PDE10A: variants seen among roughly 807,000 people sequenced by gnomAD.
PDE10A encodes cAMP and cAMP-inhibited cGMP 3',5'-cyclic phosphodiesterase 10A.
Under a neutral mutation model 97.7 loss-of-function variants are expected in PDE10A, and 39 were observed. That is an observed-to-expected ratio of 0.40 (90% confidence interval 0.31 to 0.52). The LOEUF (loss-of-function observed/expected upper bound fraction) is 0.52. Ranked by LOEUF, PDE10A falls within the 20% of genes least tolerant of loss-of-function variation. The pLI, the probability that PDE10A is intolerant of heterozygous loss-of-function variation, is 0.56. For missense variants in PDE10A, 731 were observed against 1,047.8 expected (o/e 0.70, Z 4.17); for synonymous variants, 371 against 376.8 (o/e 0.98, Z 0.18).
intron 1 of PDE10A, among the ~76,000 whole-genome samples, chr6:165,958,325 G>A (rs187382812): frequency 4.3e-3 from 655 of 152,000 alleles, no homozygotes; most frequent in Admixed American, 6.8e-3. Flanking sequence ...GCCAAAACCA[G>A]CAGTTACAAA....
intron 1 of PDE10A, among the ~76,000 whole-genome samples, chr6:165,705,785 G>C (rs1414548149): frequency 6.6e-6 from 1 of 152,174 alleles, no homozygotes; most frequent in South Asian, 2.1e-4. Context: ...ACCATCATCT[G>C]TGTGCTATTA....
At chr6:165,829,318 T>G (rs554202674) in intron 1 of PDE10A, among the ~76,000 whole-genome samples, 18 of 152,314 alleles carry the variant, frequency 1.2e-4, no homozygotes, top group South Asian at 4.1e-4. Flanking sequence ...CTGGTAACCA[T>G]TAAGGGGCTC....
chr6:165,874,132 CA>C (rs978063759), intron 1 of PDE10A, among the ~76,000 whole-genome samples: 9 of 152,180 alleles, frequency 5.9e-5, no homozygotes, highest in Admixed American at 5.9e-4. Flanking sequence ...GCTCAGGAGA[CA>C]GGGGAGGAGA....
chr6:165,656,759 T>TCACACCTGGAAA, intron 1 of PDE10A, among the ~76,000 whole-genome samples: 1 of 152,314 alleles, frequency 6.6e-6, no homozygotes, highest in South Asian at 2.1e-4. Flanking sequence ...CTTCACACCT[T>TCACACCTGGAAA]GTGAAACCTT....
intron 2 of PDE10A, among the ~76,000 whole-genome samples, chr6:165,516,217 T>A (rs1461182305): frequency 6.6e-6 from 1 of 152,134 alleles, no homozygotes; most frequent in Non-Finnish European, 1.5e-5. Flanking sequence ...ATCTACAATT[T>A]TTCCCTCTCT....
intron 2 of PDE10A, among the ~76,000 whole-genome samples, chr6:165,499,653 T>G (rs2128293769): frequency 6.6e-6 from 1 of 152,294 alleles, no homozygotes; most frequent in Middle Eastern, 3.4e-3. Flanking sequence ...TGACAAAACT[T>G]TATACTTTTA....
intron 1 of PDE10A, among the ~76,000 whole-genome samples, chr6:165,648,153 T>C (rs1405867205): frequency 3.3e-5 from 5 of 152,034 alleles, no homozygotes; most frequent in African/African-American, 7.2e-5. Flanking sequence ...GCTGGGACTA[T>C]AGGCGCCCAC....
intron 1 of PDE10A, among the ~76,000 whole-genome samples, chr6:165,638,871 A>T (rs1788999120): frequency 6.6e-6 from 1 of 152,188 alleles, no homozygotes. Context: ...CACAATTACC[A>T]CTCAAACATT....
At chr6:165,433,898 T>G (rs1261609397) in intron 6 of PDE10A, among the ~76,000 whole-genome samples, 1 of 150,916 alleles carries the variant, frequency 6.6e-6, no homozygotes, top group Non-Finnish European at 1.5e-5. Context: ...GCGCCTGTAG[T>G]CCCAGCTATT....
At chr6:165,691,106 T>TCTCTCCCTCCC (rs143783728) in intron 1 of PDE10A, among the ~76,000 whole-genome samples, 1 of 39,094 alleles carries the variant, frequency 2.6e-5, no homozygotes, top group Non-Finnish European at 4.5e-5. Flanking sequence ...TCTTTCTCTC[T>TCTCTCCCTCCC]CCCCCCCCCC....
chr6:165,936,140 G>A (rs1783318238), intron 1 of PDE10A, among the ~76,000 whole-genome samples: 1 of 152,196 alleles, frequency 6.6e-6, no homozygotes, highest in African/African-American at 2.4e-5. Context: ...GGAAGAGCAG[G>A]AATCAGAAAG....
At chr6:165,369,387 A>G (rs1784054552) in intron 18 of PDE10A, among the ~76,000 whole-genome samples, 1 of 151,924 alleles carries the variant, frequency 6.6e-6, no homozygotes, top group Non-Finnish European at 1.5e-5. Context: ...TGATTAAAGG[A>G]GCTGATGGAG....
chr6:165,648,890 T>G (rs1789539773), intron 1 of PDE10A, among the ~76,000 whole-genome samples: 2 of 152,148 alleles, frequency 1.3e-5, no homozygotes, highest in South Asian at 4.1e-4. Context: ...CCTGAAGGAT[T>G]TAAGTGCTCC....
intron 19 of PDE10A, among the ~76,000 whole-genome samples, chr6:165,340,886 A>T (rs1781933399): frequency 6.6e-6 from 1 of 152,196 alleles, no homozygotes; most frequent in Non-Finnish European, 1.5e-5. Context: ...CAACAAGAGG[A>T]TCAGAAGCAG....
At chr6:165,428,359 T>C (rs1209053360) in intron 10 of PDE10A, among the ~76,000 whole-genome samples, 1 of 152,062 alleles carries the variant, frequency 6.6e-6, no homozygotes, top group African/African-American at 2.4e-5. Flanking sequence ...CAATCGAGAA[T>C]TCCCCACATG....
intron 1 of PDE10A, among the ~76,000 whole-genome samples, chr6:165,601,432 C>T (rs1256638372): frequency 1.3e-5 from 2 of 152,118 alleles, no homozygotes; most frequent in African/African-American, 4.8e-5. Flanking sequence ...TCAGTGCCTG[C>T]TGTGTACTAT....
intron 2 of PDE10A, among the ~76,000 whole-genome samples, chr6:165,521,273 C>G (rs1315023079): frequency 6.6e-6 from 1 of 152,102 alleles, no homozygotes; most frequent in Non-Finnish European, 1.5e-5. Flanking sequence ...CTTGAGCCTC[C>G]TTATTCCCTG....
intron 2 of PDE10A, among the ~76,000 whole-genome samples, chr6:165,537,839 AT>A (rs1783184800): frequency 6.6e-6 from 1 of 151,986 alleles, no homozygotes; most frequent in Non-Finnish European, 1.5e-5. Context: ...AGACAAAAAA[AT>A]TGAAGGAAAA....
intron 1 of PDE10A, among the ~76,000 whole-genome samples, chr6:165,786,510 C>A (rs181265260): frequency 2.6e-5 from 4 of 152,320 alleles, no homozygotes; most frequent in Admixed American, 6.5e-5. Flanking sequence ...TTCTCCTTCA[C>A]AGAAAGAAGA....
Sources: gnomAD v4.1 joint callset for allele counts (sites outside exome capture counted in the v4.1 genomes callset) on GRCh38, gnomAD v4.1.1 for gene constraint, MANE v1.5 for transcripts, NCBI Gene and HGNC (gene_info 2026-07-23, HGNC 2026-07-21) for gene names.